Variants in P2RX5 observed in about 807,000 individuals in gnomAD.
The protein encoded by P2RX5 is purinergic receptor P2X 5, also known as P2X purinoceptor 5.
P2RX5 carries 46 observed loss-of-function variants against 54.1 expected under a neutral mutation model. That is an observed-to-expected ratio of 0.85 (90% confidence interval 0.67 to 1.09). P2RX5 has a LOEUF of 1.09. P2RX5 is among the 50% of genes least tolerant of loss of function. The probability of loss-of-function intolerance (pLI) is 0.00; values close to 1 mark genes in which losing one functional copy is unlikely to be tolerated. For missense variants in P2RX5, 566 were observed against 549.8 expected (o/e 1.03, Z -0.29); for synonymous variants, 226 against 226.4 (o/e 1.00, Z 0.02).
At chr17:3,691,091 A>G in intron 2 of P2RX5, 64 bp from the exon 3 acceptor site, 1 of 1,222,216 alleles carries the variant, frequency 8.2e-7, no homozygotes, top group Non-Finnish European at 1.2e-6. Context: ...CCACCTTTCC[A>G]GCGTTACCTG....
intron 11 of P2RX5, among the ~76,000 whole-genome samples, chr17:3,674,815 T>C (rs2050064868): frequency 1.3e-5 from 2 of 152,224 alleles, no homozygotes; most frequent in Non-Finnish European, 2.9e-5. Flanking sequence ...TGGGGAAACC[T>C]TCTCTGGCTA....
the P2RX5 span, chr17:3,721,697 C>G: frequency 6.6e-6 from 1 of 152,188 alleles, no homozygotes; most frequent in Admixed American, 6.5e-5. Context: ...AACTTGATCA[C>G]TTGATCACTA....
chr17:3,690,533 T>G lies in P2RX5; in HGVS notation c.437-10A>C, dbSNP rs1597268473. 1 of 1,612,926 alleles carries G rather than the reference T, an allele frequency of 6.2e-7. No individual in the cohort carries two copies. ...CGGCCGGTCTTCACTCCTGCAGGGG[T>G]GGGACAGGATCAATGCCAGGAGCCT... On this transcript the variant is annotated splice_polypyrimidine_tract_variant and intron_variant, in intron 4 of 11. Coordinates refer to ENST00000225328, the MANE Select transcript of P2RX5 (RefSeq NM_002561.4).
upstream of P2RX5, among the ~76,000 whole-genome samples, chr17:3,700,257 G>A (rs1362657810): frequency 2.0e-5 from 3 of 152,078 alleles, no homozygotes; most frequent in Non-Finnish European, 4.4e-5. Flanking sequence ...AGTCAGGGCC[G>A]GGCAGTGTGG....
At chr17:3,699,837 A>AGAGC (rs2050802729), upstream of P2RX5, among the ~76,000 whole-genome samples, 1 of 141,180 alleles carries the variant, frequency 7.1e-6, no homozygotes, top group Non-Finnish European at 1.6e-5. Context: ...AGAGAGAGAG[A>AGAGC]GAGAAAGAAA....
the P2RX5 span, chr17:3,716,721 C>T: frequency 1.2e-6 from 2 of 1,609,918 alleles, no homozygotes; most frequent in Non-Finnish European, 1.7e-6. Context: ...CGATCAACAC[C>T]AGAAGTCCAC....
At chr17:3,677,421 G>A in intron 11 of P2RX5, 1 of 985,438 alleles carries the variant, frequency 1.0e-6, no homozygotes, top group Non-Finnish European at 1.2e-6. Flanking sequence ...CCAGGAGCTG[G>A]CTTCCCCACT....
the P2RX5 span, among the ~76,000 whole-genome samples, chr17:3,703,965 G>T: frequency 1.5e-3 from 231 of 152,214 alleles, 1 homozygote; most frequent in Non-Finnish European, 2.1e-3. Flanking sequence ...AGCCGGACGT[G>T]GTGGCACATG....
At chr17:3,697,062 C>A (rs895239706), upstream of P2RX5, among the ~76,000 whole-genome samples, 1 of 143,952 alleles carries the variant, frequency 6.9e-6, no homozygotes, top group Non-Finnish European at 1.5e-5. Flanking sequence ...GCCCACACTC[C>A]GGCGGAGTCG....
At position 3,691,916 on chromosome 17, in the gene P2RX5, C is replaced by T. The variant is rs922024593; in HGVS notation, c.138-122G>A. On this transcript the variant is annotated intron_variant, in intron 1 of 11. Transcript: ENST00000225328. ...TAGTTGAGGTGGAGCAGGCTCAGGG[C>T]TCCACCTGTCCCACCAGCTCCTGGG... The T allele has an allele frequency of 4.1e-6, 4 of 971,962 alleles. No individual in the cohort carries two copies. In the East Asian group the frequency reaches 7.2e-5, roughly 17 times the overall value. The allele number at this position is 971,962 out of a possible 1,614,324, so 60.2% of individuals were successfully genotyped here.
intron 2 of P2RX5, 49 bp from the exon 3 acceptor site, chr17:3,691,076 C>T (rs2143001041): frequency 7.3e-7 from 1 of 1,363,164 alleles, no homozygotes; most frequent in Admixed American, 1.8e-5. Context: ...CCCTTAGGGA[C>T]CACCCCACCT....
intron 9 of P2RX5, among the ~76,000 whole-genome samples, chr17:3,684,836 T>C (rs111697654): frequency 0.026 from 190 of 7,202 alleles, 2 homozygotes; most frequent in East Asian, 0.5. Context: ...TCCTGCCCCC[T>C]TTTTTTTTTT....
chr17:3,721,390 G>T, the P2RX5 span, among the ~76,000 whole-genome samples: 1 of 141,262 alleles, frequency 7.1e-6, no homozygotes, highest in East Asian at 2.2e-4. Context: ...TCCTGCCTCA[G>T]CCTCCCAAGT....
intron 11 of P2RX5, chr17:3,676,999 T>C (rs1826682328): frequency 1.3e-6 from 1 of 755,792 alleles, no homozygotes; most frequent in South Asian, 6.0e-5. Context: ...GAGGCGGAGG[T>C]TCCAGTAAGC....
intron 1 of P2RX5, 54 bp downstream of exon 1, chr17:3,695,815 C>G: frequency 6.3e-7 from 1 of 1,590,930 alleles, no homozygotes; most frequent in Non-Finnish European, 8.6e-7. Flanking sequence ...GACGCGGCGG[C>G]TGGCACCCGC....
At chr17:3,676,560 T>C (rs1335312054) in intron 11 of P2RX5, 1 of 985,338 alleles carries the variant, frequency 1.0e-6, no homozygotes, top group Non-Finnish European at 1.2e-6. Context: ...TCTTGGTCTC[T>C]AGGCAGCATG....
chr17:3,692,120 C>G, intron 1 of P2RX5: 1 of 256,774 alleles, frequency 3.9e-6, no homozygotes, highest in South Asian at 5.4e-5. Context: ...CTGGCTAACA[C>G]AGTGAAACCC....
intron 7 of P2RX5, 56 bp downstream of exon 7, chr17:3,689,436 C>G (rs1470185741): frequency 1.2e-6 from 2 of 1,605,198 alleles, no homozygotes; most frequent in East Asian, 4.5e-5. Context: ...CGTCACAGAG[C>G]CAGGCCCAGT....
chr17:3,697,959 C>T (rs999635960), upstream of P2RX5, among the ~76,000 whole-genome samples: 2 of 152,074 alleles, frequency 1.3e-5, no homozygotes, highest in Non-Finnish European at 2.9e-5. Context: ...AGGGACCATG[C>T]CTTTGGACAT....
Sources: allele counts gnomAD v4.1 joint callset (sites outside exome capture counted in the v4.1 genomes callset), GRCh38; gene constraint gnomAD v4.1.1; transcripts MANE v1.5; gene names NCBI Gene and HGNC (gene_info 2026-07-23, HGNC 2026-07-21).